Variants in DOCK4 observed in about 807,000 individuals in gnomAD.
DOCK4 encodes dedicator of cytokinesis protein 4.
In DOCK4, 97 loss-of-function variants were observed where a neutral mutation model predicts 268.1. That is an observed-to-expected ratio of 0.36 (90% confidence interval 0.31 to 0.43). DOCK4 has a LOEUF of 0.43. DOCK4 is among the 20% of genes least tolerant of loss of function. DOCK4 has a pLI of 1.00. For synonymous variants in DOCK4, 954 were observed against 887.2 expected (o/e 1.08, Z -1.34); for missense variants, 2,145 against 2,455.7 (o/e 0.87, Z 2.67).
At chr7:112,205,722 G>A (rs925861401) in intron 1 of DOCK4, among the ~76,000 whole-genome samples, 1 of 151,892 alleles carries the variant, frequency 6.6e-6, no homozygotes, top group Non-Finnish European at 1.5e-5. Context: ...TCGCTTTGGG[G>A]AAGAAGGGTA....
At chr7:111,823,211 T>G (rs978500551) in intron 26 of DOCK4, among the ~76,000 whole-genome samples, 1 of 148,520 alleles carries the variant, frequency 6.7e-6, no homozygotes, top group Non-Finnish European at 1.5e-5. Context: ...TTACTTTTTT[T>G]TTTTTTTTTT....
At chr7:111,736,168 A>C (rs1424378217) in intron 50 of DOCK4, among the ~76,000 whole-genome samples, 1 of 152,192 alleles carries the variant, frequency 6.6e-6, no homozygotes, top group East Asian at 1.9e-4. Context: ...ACAATAGTTT[A>C]CTTCTTAATG....
intron 50 of DOCK4, among the ~76,000 whole-genome samples, chr7:111,735,631 CTCTT>C (rs1795422741): frequency 1.3e-5 from 2 of 152,184 alleles, no homozygotes; most frequent in Admixed American, 6.5e-5. Flanking sequence ...TCATTGATAA[CTCTT>C]TCTGAAATCA....
intron 1 of DOCK4, among the ~76,000 whole-genome samples, chr7:112,006,118 A>G (rs1312941793): frequency 1.3e-5 from 2 of 152,170 alleles, no homozygotes; most frequent in Non-Finnish European, 2.9e-5. Flanking sequence ...AAATAGCATC[A>G]AGCCTGGCAT....
chr7:112,140,975 C>A (rs892490479), intron 1 of DOCK4, among the ~76,000 whole-genome samples: 37 of 152,176 alleles, frequency 2.4e-4, no homozygotes, highest in African/African-American at 8.9e-4. Context: ...AATAAAATTT[C>A]TTTCTAAATG....
At position 111,736,532 on chromosome 7, in the gene DOCK4, G is replaced by T. The variant is rs563545632; in HGVS notation, c.5305+385C>A. Among the ~76,000 whole-genome samples, 7 of 152,278 alleles carry T rather than the reference G, an allele frequency of 4.6e-5. No individual in the cohort carries two copies. The East Asian group carries it at 1.2e-3, about 25-fold the overall frequency. ...CAAACAACACATGAGTTGGCTGAAT[G>T]AGCTTTGTAAGGGAGACGAAGGATG... is the stretch of plus-strand genomic sequence containing the variant. On this transcript the variant is annotated intron_variant, in intron 50 of 52. Coordinates refer to ENST00000428084, the MANE Select transcript of DOCK4 (RefSeq NM_001363540.2).
intron 16 of DOCK4, among the ~76,000 whole-genome samples, chr7:111,880,613 A>G (rs888867383): frequency 1.1e-4 from 17 of 152,326 alleles, no homozygotes; most frequent in African/African-American, 4.1e-4. Flanking sequence ...CAGAAAGACT[A>G]AATGATGAAC....
intron 12 of DOCK4, among the ~76,000 whole-genome samples, chr7:111,918,835 G>A (rs1792849025): frequency 6.6e-6 from 1 of 152,158 alleles, no homozygotes; most frequent in South Asian, 2.1e-4. Context: ...ATGCTTTCCA[G>A]TACAGAATAA....
chr7:112,155,854 C>T (rs190948130), intron 1 of DOCK4, among the ~76,000 whole-genome samples: 20 of 152,324 alleles, frequency 1.3e-4, no homozygotes, highest in African/African-American at 4.8e-4. Flanking sequence ...TCCTATGTGA[C>T]AGCCACTGGC....
At chr7:112,185,473 T>C (rs903331640) in intron 1 of DOCK4, among the ~76,000 whole-genome samples, 3 of 151,852 alleles carry the variant, frequency 2.0e-5, no homozygotes, top group Non-Finnish European at 4.4e-5. Context: ...TAAGAAAGCA[T>C]CCAAACAGGA....
At chr7:112,043,014 G>A (rs1025586613) in intron 1 of DOCK4, among the ~76,000 whole-genome samples, 1 of 152,092 alleles carries the variant, frequency 6.6e-6, no homozygotes, top group African/African-American at 2.4e-5. Flanking sequence ...GCAGCATGAG[G>A]CCCTCACCTG....
intron 1 of DOCK4, among the ~76,000 whole-genome samples, chr7:112,149,237 G>A (rs747591120): frequency 2.6e-5 from 4 of 152,066 alleles, no homozygotes; most frequent in Admixed American, 6.5e-5. Context: ...CCATCCCTTC[G>A]TCATTATGGT....
At position 111,790,526 on chromosome 7, in the gene DOCK4, C is replaced by G; in HGVS notation, c.3246G>C (p.Arg1082=). ...CATGAAAAATTGGAATCATGACATT[C>G]CGAAGATCTGGCTGGGGTATCAAGG... The part of the protein sequence containing the change: ...EVTLIPQPDL[R]NVMIPIFHDM... Residue 1082 remains arginine (R), a synonymous_variant, in exon 31 of 53, where the codon CGG becomes CGC. Coordinates refer to ENST00000428084, the MANE Select transcript of DOCK4 (RefSeq NM_001363540.2). 1 of 1,613,896 alleles carries G rather than the reference C, an allele frequency of 6.2e-7. No individual in the cohort carries two copies. The highest frequency in any genetic ancestry group is 8.5e-7 in the Non-Finnish European group (1 of 1,179,852).
chr7:112,030,491 T>G (rs1261395679), intron 1 of DOCK4, among the ~76,000 whole-genome samples: 1 of 152,220 alleles, frequency 6.6e-6, no homozygotes. Context: ...GAACACACAT[T>G]GTTGGTGCAG....
intron 1 of DOCK4, among the ~76,000 whole-genome samples, chr7:112,141,774 A>G (rs890157762): frequency 6.6e-6 from 1 of 152,154 alleles, no homozygotes; most frequent in African/African-American, 2.4e-5. Context: ...TGGACAATAA[A>G]TGACAATGAA....
chr7:111,828,463 T>C (rs527366938), intron 26 of DOCK4, among the ~76,000 whole-genome samples: 1 of 152,324 alleles, frequency 6.6e-6, no homozygotes, highest in South Asian at 2.1e-4. Flanking sequence ...CATTTTGATT[T>C]ATAGAACCAC....
intron 2 of DOCK4, 31 bp downstream of exon 2, chr7:112,004,017 T>G: frequency 6.6e-7 from 1 of 1,522,984 alleles, no homozygotes; most frequent in Non-Finnish European, 9.0e-7. Flanking sequence ...AACAGCCGTA[T>G]GTTGAGGAGG....
chr7:112,173,693 A>T (rs1407115664), intron 1 of DOCK4, among the ~76,000 whole-genome samples: 1 of 152,190 alleles, frequency 6.6e-6, no homozygotes, highest in East Asian at 1.9e-4. Flanking sequence ...CCGTAGTCAC[A>T]GCTATGCCAG....
At chr7:111,818,093 T>C (rs1310800215) in intron 27 of DOCK4, among the ~76,000 whole-genome samples, 1 of 152,216 alleles carries the variant, frequency 6.6e-6, no homozygotes, top group African/African-American at 2.4e-5. Context: ...CATAGGCTGC[T>C]CTTTTTCAGT....
Sources: gnomAD v4.1 joint callset for allele counts (sites outside exome capture counted in the v4.1 genomes callset) on GRCh38, gnomAD v4.1.1 for gene constraint, MANE v1.5 for transcripts, NCBI Gene and HGNC (gene_info 2026-07-23, HGNC 2026-07-21) for gene names.